Variants in NLGN1 observed in about 807,000 individuals in gnomAD.
The protein encoded by NLGN1 is neuroligin-1.
In NLGN1, 12 loss-of-function variants were observed where a neutral mutation model predicts 65.5. The ratio of observed to expected loss-of-function variants is 0.18; its 90% CI spans 0.12 to 0.30. NLGN1 has a LOEUF of 0.30. NLGN1 is among the 10% of genes least tolerant of loss of function. NLGN1 has a pLI of 1.00. For synonymous variants in NLGN1, 350 were observed against 359.5 expected (o/e 0.97, Z 0.30); for missense variants, 750 against 1,007.1 (o/e 0.74, Z 3.46).
intron 4 of NLGN1, among the ~76,000 whole-genome samples, chr3:173,972,435 A>G (rs1432665564): frequency 6.6e-6 from 1 of 152,140 alleles, no homozygotes; most frequent in Non-Finnish European, 1.5e-5. Context: ...CATAGAAATA[A>G]ATAATGTACA....
chr3:173,627,239 A>G (rs1468986288), intron 3 of NLGN1, among the ~76,000 whole-genome samples: 1 of 152,078 alleles, frequency 6.6e-6, no homozygotes, highest in Admixed American at 6.6e-5. Context: ...GGAAACCACC[A>G]TTTGACTCTG....
intron 3 of NLGN1, among the ~76,000 whole-genome samples, chr3:173,702,759 A>G (rs1000587693): frequency 1.3e-5 from 2 of 152,158 alleles, no homozygotes; most frequent in Admixed American, 6.5e-5. Flanking sequence ...ATCAGTTTCT[A>G]TGGAGACACT....
chr3:173,862,379 G>T (rs1351526001), intron 4 of NLGN1, among the ~76,000 whole-genome samples: 2 of 149,932 alleles, frequency 1.3e-5, no homozygotes, highest in South Asian at 2.1e-4. Flanking sequence ...AGTGGCGGGC[G>T]CCTGTAGTCC....
intron 4 of NLGN1, among the ~76,000 whole-genome samples, chr3:174,082,893 T>G (rs1403728898): frequency 1.3e-5 from 2 of 151,900 alleles, no homozygotes; most frequent in South Asian, 2.1e-4. Flanking sequence ...GCTAATTTTT[T>G]TGTGTGTATT....
chr3:174,234,573 G>A (rs887029662), intron 4 of NLGN1, among the ~76,000 whole-genome samples: 4 of 152,134 alleles, frequency 2.6e-5, no homozygotes, highest in Non-Finnish European at 5.9e-5. Context: ...TTACCATGAA[G>A]CTGATGAGCA....
intron 3 of NLGN1, among the ~76,000 whole-genome samples, chr3:173,801,707 C>T (rs368579886): frequency 4.6e-5 from 7 of 151,890 alleles, no homozygotes; most frequent in South Asian, 2.1e-4. Flanking sequence ...TTATTTACCA[C>T]GAACACCAGC....
intron 4 of NLGN1, among the ~76,000 whole-genome samples, chr3:174,207,821 C>A (rs2152785395): frequency 6.6e-6 from 1 of 152,276 alleles, no homozygotes. Flanking sequence ...TTTGCACATT[C>A]TAGGCCTTCA....
intron 2 of NLGN1, among the ~76,000 whole-genome samples, chr3:173,550,323 G>A (rs1053815943): frequency 5.3e-5 from 8 of 152,004 alleles, no homozygotes; most frequent in Non-Finnish European, 8.8e-5. Context: ...TAAAATATAT[G>A]TCATGTTTTG....
chr3:173,885,316 A>G (rs932239161), intron 4 of NLGN1, among the ~76,000 whole-genome samples: 1 of 151,922 alleles, frequency 6.6e-6, no homozygotes, highest in Admixed American at 6.6e-5. Context: ...CAAACATATG[A>G]TATCTGCCTA....
chr3:173,475,629 A>G (rs191645417), intron 2 of NLGN1, among the ~76,000 whole-genome samples: 29 of 152,316 alleles, frequency 1.9e-4, no homozygotes, highest in Middle Eastern at 6.8e-3. Context: ...AGATCCTTAT[A>G]TGATGACTGA....
At chr3:173,533,731 C>G (rs1736991476) in intron 2 of NLGN1, among the ~76,000 whole-genome samples, 1 of 152,178 alleles carries the variant, frequency 6.6e-6, no homozygotes, top group African/African-American at 2.4e-5. Context: ...TGCCTATAAT[C>G]CCAGCACTTT....
At chr3:173,430,222 G>A (rs950521735) in intron 1 of NLGN1, among the ~76,000 whole-genome samples, 1 of 151,982 alleles carries the variant, frequency 6.6e-6, no homozygotes, top group African/African-American at 2.4e-5. Context: ...TCTTGCTTGC[G>A]GTTTTTCATT....
At chr3:173,637,627 T>G (rs980340296) in intron 3 of NLGN1, among the ~76,000 whole-genome samples, 2 of 152,116 alleles carry the variant, frequency 1.3e-5, no homozygotes, top group African/African-American at 4.8e-5. Context: ...GCTAGGATAT[T>G]GAGATACTAT....
intron 4 of NLGN1, among the ~76,000 whole-genome samples, chr3:174,049,963 T>C (rs186924157): frequency 6.6e-6 from 1 of 152,196 alleles, no homozygotes; most frequent in Non-Finnish European, 1.5e-5. Flanking sequence ...AGGGCTATGT[T>C]ACACTAAATA....
intron 4 of NLGN1, among the ~76,000 whole-genome samples, chr3:174,058,451 G>A (rs1736651364): frequency 6.6e-6 from 1 of 151,992 alleles, no homozygotes; most frequent in Admixed American, 6.6e-5. Context: ...AGAGCAAGAG[G>A]GGTGCCATGT....
chr3:173,766,149 C>T (rs186699398), intron 3 of NLGN1, among the ~76,000 whole-genome samples: 11 of 150,408 alleles, frequency 7.3e-5, no homozygotes, highest in East Asian at 2.0e-4. Context: ...AGTCCAATGG[C>T]GCCATCTCGG....
chr3:173,412,555 A>G (rs2148656330), intron 1 of NLGN1, among the ~76,000 whole-genome samples: 1 of 100,574 alleles, frequency 9.9e-6, no homozygotes, highest in East Asian at 4.6e-4. Flanking sequence ...TCTGAGTGAA[A>G]CTCTATCTTA....
At chr3:174,071,737 T>C (rs1452632701) in intron 4 of NLGN1, among the ~76,000 whole-genome samples, 1 of 143,274 alleles carries the variant, frequency 7.0e-6, no homozygotes, top group Non-Finnish European at 1.5e-5. Flanking sequence ...AAAAAAAAAA[T>C]CAAGTGTGCA....
At chr3:174,158,476 A>C (rs1725875384) in intron 4 of NLGN1, among the ~76,000 whole-genome samples, 1 of 151,646 alleles carries the variant, frequency 6.6e-6, no homozygotes, top group Non-Finnish European at 1.5e-5. Flanking sequence ...ATATCATTGA[A>C]ATTCCCTGGA....
Sources: allele counts gnomAD v4.1 joint callset (sites outside exome capture counted in the v4.1 genomes callset), GRCh38; gene constraint gnomAD v4.1.1; transcripts MANE v1.5; gene names NCBI Gene and HGNC (gene_info 2026-07-23, HGNC 2026-07-21).